The following GFRAL variants were observed in gnomAD, a reference collection of about 807,000 sequenced individuals.
GFRAL encodes GDNF family receptor alpha like.
Under a neutral mutation model 45.4 loss-of-function variants are expected in GFRAL, and 36 were observed. The ratio of observed to expected loss-of-function variants is 0.79; its 90% confidence interval spans 0.61 to 1.05. The LOEUF is 1.05. Ranked by LOEUF, GFRAL falls within the 50% of genes least tolerant of loss-of-function variation. The pLI is 0.00. For missense variants in GFRAL, 507 were observed against 467.5 expected (o/e 1.08, Z -0.78); for synonymous variants, 166 against 154.1 (o/e 1.08, Z -0.57).
intron 5 of GFRAL, among the ~76,000 whole-genome samples, chr6:55,353,783 T>C (rs9464228): frequency 0.1 from 15,836 of 152,066 alleles, 1,094 homozygotes; most frequent in African/African-American, 0.19. Context: ...CCAGCAGGTG[T>C]TTTTTGTTGT....
chr6:55,362,313 A>G (rs1311786869), intron 6 of GFRAL, among the ~76,000 whole-genome samples: 1 of 151,800 alleles, frequency 6.6e-6, no homozygotes, highest in Non-Finnish European at 1.5e-5. Context: ...AAAACAAAAC[A>G]AAAAACTTAT....
chr6:55,359,599 T>C (rs541923387), intron 6 of GFRAL, among the ~76,000 whole-genome samples: 9 of 151,964 alleles, frequency 5.9e-5, no homozygotes, highest in African/African-American at 1.4e-4. Context: ...GTGCCTATAG[T>C]CATCTGGTAT....
intron 4 of GFRAL, 30 bp downstream of exon 4, chr6:55,350,175 G>A: frequency 3.1e-6 from 4 of 1,305,716 alleles, no homozygotes; most frequent in Non-Finnish European, 4.4e-6. Flanking sequence ...ATTTTGATCT[G>A]CATTGCAAAT....
rs1323781243 is a variant in GFRAL, at chr6:55,333,830, C to G, written c.202C>G (p.Leu68Val). The G allele has an allele frequency of 1.2e-6, 2 of 1,609,178 alleles. No homozygotes were observed. The highest frequency in any genetic ancestry group is 1.7e-6 in the Non-Finnish European group (2 of 1,177,294). ...GATGAGGAATTCATCATACTGTAAC[C>G]TGAGTATCCAGTACTTAGTGGAAAG... is the stretch of plus-strand genomic sequence containing the variant. Reference protein sequence around the residue: ...CKMRNSSYCNLSIQYLVESNF... With the variant: ...CKMRNSSYCNVSIQYLVESNF... Residue 68 changes from leucine (L) to valine (V), a missense_variant, in exon 3 of 9, where the codon CTG (leucine) becomes GTG (valine). By Grantham distance (32) the Leu-to-Val change is conservative. Transcript: ENST00000340465.
In GFRAL at chr6:55,358,118, G is replaced by T. The variant is rs1768220279; in HGVS notation, c.702-770G>T. 2.6e-5 allele frequency among the ~76,000 whole-genome samples: 4 copies of T among 151,792 alleles called. No homozygotes were observed. The South Asian group carries it at 8.3e-4, about 31-fold the overall frequency. On this transcript the variant is annotated intron_variant, in intron 5 of 8. Transcript: ENST00000340465. ...AATTATTAAAAACAATGTGACTTTG[G>T]TTTTTTAACATAGCAGCATCCATGT...
chr6:55,351,943 C>G (rs887715413), intron 5 of GFRAL, among the ~76,000 whole-genome samples: 1 of 151,780 alleles, frequency 6.6e-6, no homozygotes, highest in Non-Finnish European at 1.5e-5. Flanking sequence ...AAGGCTGTTA[C>G]AAATTTATTA....
rs185575498 is a variant in GFRAL at position 55,341,337 on chromosome 6, C to A, written c.316+7393C>A. 5.6e-3 allele frequency among the ~76,000 whole-genome samples: 855 copies of A among 152,250 alleles called. 5 individuals are homozygous for A. The highest frequency in any genetic ancestry group is 9.4e-3 in the Non-Finnish European group (640 of 68,016). ...CTGTGAGACGAAGCTTCCAGAGGAA[C>A]GATCAGACAACAACATTTGCTGTTC... On this transcript the variant is annotated intron_variant, in intron 3 of 8. Coordinates refer to ENST00000340465, the MANE Select transcript of GFRAL (RefSeq NM_207410.2).
intron 3 of GFRAL, among the ~76,000 whole-genome samples, chr6:55,338,603 G>C (rs17750432): frequency 0.25 from 38,253 of 151,946 alleles, 5,203 homozygotes; most frequent in Middle Eastern, 0.45. Flanking sequence ...CAAAGTACTA[G>C]AAGCCATAGA....
chr6:55,370,403 C>T (rs968168575), intron 6 of GFRAL, among the ~76,000 whole-genome samples: 2 of 151,474 alleles, frequency 1.3e-5, no homozygotes, highest in Admixed American at 6.6e-5. Context: ...TTTTTTTGCC[C>T]CTTTAGTATC....
intron 3 of GFRAL, among the ~76,000 whole-genome samples, chr6:55,349,167 A>T (rs182855869): frequency 1.3e-5 from 2 of 152,078 alleles, no homozygotes; most frequent in South Asian, 2.1e-4. Context: ...CAATATAAGG[A>T]GTCTGGAAGG....
chr6:55,364,540 T>C (rs1315524287), intron 6 of GFRAL, among the ~76,000 whole-genome samples: 2 of 145,266 alleles, frequency 1.4e-5, no homozygotes, highest in Non-Finnish European at 3.0e-5. Flanking sequence ...TGGTAATGCC[T>C]AGGTTTTCTT....
chr6:55,338,969 G>C (rs141296214), intron 3 of GFRAL, among the ~76,000 whole-genome samples: 1 of 152,126 alleles, frequency 6.6e-6, no homozygotes, highest in African/African-American at 2.4e-5. Context: ...ACGTAGAGAG[G>C]ATGGAATGGG....
In GFRAL at chr6:55,351,319, C is replaced by T. The variant is rs1332251950; in HGVS notation, c.437C>T (p.Ala146Val). ...TGTGTAGGGGATGTGGTCTGTAATG[C>T]ACAGTTGGCCTCTTACCTTAAAGCT... ...EACVGDVVCNAQLASYLKACS... is the reference protein window; with the variant it reads ...EACVGDVVCNVQLASYLKACS... The change falls in exon 5 of 9, where the codon GCA becomes GTA. Residue 146 changes from alanine to valine, a missense_variant. Ala to Val is a moderately conservative substitution (Grantham distance 64, BLOSUM62 0). Transcript: ENST00000340465. The T allele has an allele frequency of 1.2e-6, 2 of 1,613,368 alleles. No homozygotes were observed. The highest frequency in any genetic ancestry group is 1.1e-5 in the South Asian group (1 of 91,034).
chr6:55,359,269 T>C (rs908011623), intron 6 of GFRAL, 131 bp downstream of exon 6: 16 of 681,124 alleles, frequency 2.3e-5, no homozygotes, highest in Non-Finnish European at 3.3e-5. Flanking sequence ...TGGTATTGCA[T>C]TTGAAAATTT....
intron 6 of GFRAL, among the ~76,000 whole-genome samples, chr6:55,365,006 T>C (rs2127358946): frequency 6.7e-6 from 1 of 149,656 alleles, no homozygotes; most frequent in African/African-American, 2.5e-5. Context: ...GGGGATGGCA[T>C]TGAATCTGTA....
intron 6 of GFRAL, among the ~76,000 whole-genome samples, chr6:55,381,437 A>G (rs886193766): frequency 6.6e-6 from 1 of 151,888 alleles, no homozygotes; most frequent in African/African-American, 2.4e-5. Flanking sequence ...TCTGCATTCA[A>G]TGGATAGATG....
chr6:55,335,922 T>TTATTC (rs1767885131), intron 3 of GFRAL, among the ~76,000 whole-genome samples: 1 of 151,522 alleles, frequency 6.6e-6, no homozygotes, highest in Admixed American at 6.6e-5. Flanking sequence ...TTATTTTATT[T>TTATTC]TATTTTATTT....
intron 3 of GFRAL, among the ~76,000 whole-genome samples, chr6:55,339,974 A>C (rs983978360): frequency 6.6e-6 from 1 of 152,194 alleles, no homozygotes; most frequent in Non-Finnish European, 1.5e-5. Flanking sequence ...ATATTGATGA[A>C]TCAGGCATAC....
chr6:55,334,660 T>C (rs972485493), intron 3 of GFRAL, among the ~76,000 whole-genome samples: 2 of 142,178 alleles, frequency 1.4e-5, no homozygotes, highest in African/African-American at 5.3e-5. Context: ...GAGGTAGATT[T>C]ACCTCTCATC....
Sources: allele counts gnomAD v4.1 joint callset (sites outside exome capture counted in the v4.1 genomes callset), GRCh38; gene constraint gnomAD v4.1.1; transcripts MANE v1.5; gene names NCBI Gene and HGNC (gene_info 2026-07-23, HGNC 2026-07-21).